Variants in NOL10 observed in about 807,000 individuals in gnomAD.
The protein encoded by NOL10 is H_NH0074G24.1.
A neutral mutation model predicts 103.5 loss-of-function variants in NOL10; 58 were observed. The observed-to-expected ratio is 0.56, with a 90% CI of 0.45 to 0.70. NOL10 has a LOEUF of 0.70. Among genes scored for constraint, NOL10 ranks in the 30% least tolerant of loss-of-function variants. NOL10 has a pLI of 0.00. For missense variants in NOL10, 763 were observed against 807.3 expected, an observed-to-expected ratio of 0.95 and a Z score of 0.67; for synonymous variants, 287 against 282.5, an observed-to-expected ratio of 1.02 and a Z score of -0.16.
chr2:10,680,366 G>A (rs1456483103), intron 3 of NOL10, among the ~76,000 whole-genome samples: 4 of 116,648 alleles, frequency 3.4e-5, no homozygotes, highest in Admixed American at 1.1e-4. Context: ...GGGAGAGGGA[G>A]AAGAGGGAGA....
chr2:10,668,904 A>G (rs1441342981), intron 6 of NOL10, among the ~76,000 whole-genome samples, 181 bp from the exon 7 acceptor site: 2 of 152,162 alleles, frequency 1.3e-5, no homozygotes, highest in Non-Finnish European at 2.9e-5. Flanking sequence ...TATAAAAGTG[A>G]TTTAAACCAT....
At chr2:10,600,728 C>A in intron 17 of NOL10, 125 bp downstream of exon 17, 1 of 658,776 alleles carries the variant, frequency 1.5e-6, no homozygotes, top group South Asian at 1.8e-5. Context: ...TAAGCATATA[C>A]TAATCTTATA....
chr2:10,681,831 T>C (rs1199049717), intron 3 of NOL10, 140 bp downstream of exon 3: 1 of 394,470 alleles, frequency 2.5e-6, no homozygotes, highest in Non-Finnish European at 4.5e-6. Flanking sequence ...AATGGGTGTT[T>C]ACTATACAAT....
chr2:10,685,998 G>C (rs548952846), intron 1 of NOL10, among the ~76,000 whole-genome samples: 1 of 133,338 alleles, frequency 7.5e-6, no homozygotes, highest in Admixed American at 7.7e-5. Flanking sequence ...AGAAGTCAAG[G>C]CTGAGGTGAG....
chr2:10,625,957 T>C (rs918770786), intron 13 of NOL10, among the ~76,000 whole-genome samples: 5 of 152,112 alleles, frequency 3.3e-5, no homozygotes, highest in Admixed American at 2.0e-4. Flanking sequence ...GAGGATCCCT[T>C]TAGCTCAGGA....
chr2:10,612,028 T>G (rs1176713975), intron 13 of NOL10, among the ~76,000 whole-genome samples: 5 of 151,904 alleles, frequency 3.3e-5, no homozygotes, highest in African/African-American at 1.2e-4. Flanking sequence ...GAGGGTGAGA[T>G]AGGAGGATCC....
chr2:10,624,481 T>C (rs565571100), intron 13 of NOL10, among the ~76,000 whole-genome samples: 8 of 152,132 alleles, frequency 5.3e-5, no homozygotes, highest in African/African-American at 1.7e-4. Context: ...CTGAAAGCCA[T>C]TGTACACAGC....
chr2:10,578,239 C>G (rs1184591094), intron 19 of NOL10, among the ~76,000 whole-genome samples: 1 of 152,196 alleles, frequency 6.6e-6, no homozygotes, highest in African/African-American at 2.4e-5. Context: ...TATGATAATT[C>G]TCGTTTTTCC....
chr2:10,657,760 C>T lies in NOL10; in HGVS notation c.888G>A (p.Lys296=). ...TACATACGGAGTTCTTATTCCACAT[C>T]TTGACAATTCGAGAGTCAGCAGACA... is the stretch of plus-strand genomic sequence containing the variant. The part of the protein sequence containing the change: ...LILSADSRIV[K]MWNKNSGKIF... Residue 296 remains lysine (K), a synonymous_variant, in exon 11 of 21, where the codon AAG becomes AAA. Transcript: ENST00000381685. 1 of 1,550,720 alleles carries T rather than the reference C, an allele frequency of 6.4e-7. No individual in the cohort carries two copies. The highest frequency in any genetic ancestry group is 8.7e-7 in the Non-Finnish European group (1 of 1,146,670).
At chr2:10,677,839 TTGTGTGTGTGTGTGTG>T (rs58970211) in intron 3 of NOL10, among the ~76,000 whole-genome samples, 5 of 146,742 alleles carry the variant, frequency 3.4e-5, no homozygotes, top group African/African-American at 1.3e-4. Flanking sequence ...TTTAATACAT[TTGTGTGTGTGTGTGTG>T]TGTGTGTGTG....
At chr2:10,573,898 T>G (rs1285793328) in intron 20 of NOL10, among the ~76,000 whole-genome samples, 3 of 152,166 alleles carry the variant, frequency 2.0e-5, no homozygotes, top group African/African-American at 7.2e-5. Context: ...GGAGCTGCCT[T>G]CCTCGTGCTC....
intron 13 of NOL10, among the ~76,000 whole-genome samples, chr2:10,614,631 G>A (rs370695821): frequency 4.2e-4 from 64 of 152,238 alleles, no homozygotes; most frequent in Middle Eastern, 3.4e-3. Context: ...TTTCACATAG[G>A]TTGAAGTCCT....
intron 13 of NOL10, chr2:10,622,211 T>C (rs1273213805): frequency 1.9e-5 from 9 of 470,548 alleles, no homozygotes; most frequent in South Asian, 1.1e-4. Context: ...GTATGATATA[T>C]CTACACAACA....
intron 14 of NOL10, 94 bp downstream of exon 14, chr2:10,607,091 G>T: frequency 2.6e-6 from 2 of 760,320 alleles, no homozygotes; most frequent in Non-Finnish European, 1.9e-6. Flanking sequence ...AGGAGATGAG[G>T]TAAACATGGC....
intron 19 of NOL10, among the ~76,000 whole-genome samples, chr2:10,578,857 T>C (rs1045322421): frequency 5.9e-5 from 9 of 152,184 alleles, no homozygotes; most frequent in African/African-American, 1.2e-4. Flanking sequence ...AGACAAAGAA[T>C]ATGGTTCTCT....
chr2:10,684,604 A>G lies in NOL10; in HGVS notation c.75T>C (p.Ser25=), dbSNP rs1682022393. 1 of 1,569,350 alleles carries G rather than the reference A, an allele frequency of 6.4e-7. No individual in the cohort carries two copies. The highest frequency in any genetic ancestry group is 8.7e-7 in the Non-Finnish European group (1 of 1,155,982). Reference sequence around the variant, plus strand: ...TCTGTAGCGCTCTCTTCTTCCTATCAGAAAGCCACTTAAAGAAAATGAAGA... The same window carrying G: ...TCTGTAGCGCTCTCTTCTTCCTATCGGAAAGCCACTTAAAGAAAATGAAGA... The part of the protein sequence containing the change: ...SCGKSLPEWL[S]DRKKRALQKK... The change falls in exon 2 of 21, where the codon TCT becomes TCC. Residue 25 remains serine (S), a synonymous_variant. Coordinates refer to ENST00000381685, the MANE Select transcript of NOL10 (RefSeq NM_024894.4).
At chr2:10,622,554 G>A (rs576611139) in intron 13 of NOL10, among the ~76,000 whole-genome samples, 2 of 150,984 alleles carry the variant, frequency 1.3e-5, no homozygotes, top group South Asian at 4.2e-4. Flanking sequence ...CAGATACCAA[G>A]TGGTGAACAA....
At chr2:10,590,024 T>C (rs1262563751) in intron 17 of NOL10, among the ~76,000 whole-genome samples, 3 of 152,316 alleles carry the variant, frequency 2.0e-5, no homozygotes, top group South Asian at 4.1e-4. Flanking sequence ...TTTGGCTAAC[T>C]TTATGCTTAA....
At chr2:10,626,846 A>G (rs1677502382) in intron 13 of NOL10, among the ~76,000 whole-genome samples, 1 of 152,230 alleles carries the variant, frequency 6.6e-6, no homozygotes, top group African/African-American at 2.4e-5. Flanking sequence ...CTAACACAAT[A>G]TATGTCATAT....
Sources: gnomAD v4.1 joint callset for allele counts (sites outside exome capture counted in the v4.1 genomes callset) on GRCh38, gnomAD v4.1.1 for gene constraint, MANE v1.5 for transcripts, NCBI Gene and HGNC (gene_info 2026-07-23, HGNC 2026-07-21) for gene names.